SDK1: variants seen among roughly 807,000 people sequenced by gnomAD.
SDK1 encodes the protein protein sidekick-1.
SDK1 carries 157 observed loss-of-function variants against 245.5 expected under a neutral mutation model. The ratio of observed to expected loss-of-function variants is 0.64; its 90% CI spans 0.56 to 0.73. The LOEUF (loss-of-function observed/expected upper bound fraction) is 0.73, where lower values mean the gene tolerates loss of function less well. Among genes scored for constraint, SDK1 ranks in the 30% least tolerant of loss-of-function variants. SDK1 has a pLI of 0.00. For synonymous variants in SDK1, 1,647 were observed against 1,278.5 expected (o/e 1.29, Z -6.15); for missense variants, 3,583 against 3,002.3 (o/e 1.19, Z -4.52).
chr7:3,402,443 G>C (rs1248624230), intron 1 of SDK1, among the ~76,000 whole-genome samples: 2 of 152,162 alleles, frequency 1.3e-5, no homozygotes, highest in Non-Finnish European at 2.9e-5. Context: ...CTATTATAAA[G>C]TTTGAGTATT....
chr7:4,245,725 A>G lies in SDK1; in HGVS notation c.6301A>G (p.Ile2101Val), dbSNP rs770466918. The G allele has an allele frequency of 6.2e-7, 1 of 1,614,086 alleles. No homozygotes were observed. The highest frequency in any genetic ancestry group is 1.7e-5 in the Admixed American group (1 of 60,026). ...CGGCCTGCACTACTCAGACGAGGAC[A>G]TCTGCAACAAGTACAACGGCGCCGT... ...PGGLHYSDEDICNKYNGAVLT... is the reference protein window; with the variant it reads ...PGGLHYSDEDVCNKYNGAVLT... The change falls in exon 44 of 45, where the codon ATC becomes GTC. Residue 2101 changes from isoleucine (I) to valine (V), a missense_variant. Transcript: ENST00000404826.
chr7:3,558,805 A>G (rs956231889), intron 1 of SDK1, among the ~76,000 whole-genome samples: 1 of 152,228 alleles, frequency 6.6e-6, no homozygotes, highest in Non-Finnish European at 1.5e-5. Flanking sequence ...GCTAATGACA[A>G]GGCAGTCTAT....
chr7:3,768,529 A>G (rs1235684744), intron 4 of SDK1, among the ~76,000 whole-genome samples: 4 of 152,258 alleles, frequency 2.6e-5, no homozygotes, highest in African/African-American at 7.2e-5. Flanking sequence ...ACTGTGTCTG[A>G]TAATCTGAAT....
intron 4 of SDK1, among the ~76,000 whole-genome samples, chr7:3,715,545 G>C (rs939672363): frequency 1.3e-5 from 2 of 152,128 alleles, no homozygotes; most frequent in African/African-American, 4.8e-5. Context: ...CAATAGCAGG[G>C]ATAGAGAAGG....
chr7:3,330,347 A>C (rs1015034468), intron 1 of SDK1, among the ~76,000 whole-genome samples: 1 of 152,154 alleles, frequency 6.6e-6, no homozygotes, highest in Admixed American at 6.6e-5. Context: ...TCCTTTTTTA[A>C]AATAATCATC....
At chr7:3,932,705 G>C (rs73674351) in intron 5 of SDK1, among the ~76,000 whole-genome samples, 1 of 152,156 alleles carries the variant, frequency 6.6e-6, no homozygotes, top group African/African-American at 2.4e-5. Flanking sequence ...GTGAATTATC[G>C]TTCTTCACTA....
intron 1 of SDK1, among the ~76,000 whole-genome samples, chr7:3,562,042 C>A (rs1779766283): frequency 6.6e-6 from 1 of 152,166 alleles, no homozygotes; most frequent in Non-Finnish European, 1.5e-5. Context: ...TTTTCAACAA[C>A]CCACAGCTGT....
intron 14 of SDK1, among the ~76,000 whole-genome samples, chr7:4,003,830 G>A (rs1010775409): frequency 6.6e-5 from 10 of 152,234 alleles, no homozygotes; most frequent in African/African-American, 2.2e-4. Context: ...TGTTGTGGTG[G>A]AGGGGAGCCT....
chr7:3,806,279 C>CTAGGATGTGGATGTCCACAT lies in SDK1; in HGVS notation c.714-15085_714-15066dup, dbSNP rs1302479743. ...CTTTCCCATGTGAGGTAACGTATCT[C>CTAGGATGTGGATGTCCACAT]TAGGATGTGGATGTCCACATTAGGA... is the stretch of plus-strand genomic sequence containing the variant. On this transcript the variant is annotated intron_variant, in intron 4 of 44. Coordinates refer to ENST00000404826, the MANE Select transcript of SDK1 (RefSeq NM_152744.4). Among the ~76,000 whole-genome samples, 829 of 139,006 alleles carry CTAGGATGTGGATGTCCACAT rather than the reference C, an allele frequency of 6.0e-3. 7 individuals carry two copies. Among genetic ancestry groups the CTAGGATGTGGATGTCCACAT allele is most frequent in the African/African-American group, 0.01 (398 of 39,084 alleles). 91.2% of individuals were successfully genotyped at this position (139,006 alleles called of 152,430 possible).
intron 20 of SDK1, among the ~76,000 whole-genome samples, chr7:4,068,528 C>G (rs1780042874): frequency 6.6e-6 from 1 of 151,984 alleles, no homozygotes; most frequent in African/African-American, 2.4e-5. Context: ...CATGTTCTGT[C>G]CCCTCCCCAC....
rs143079303 is a variant in SDK1 at position 3,937,481 on chromosome 7, C to T, written c.848-13442C>T. Among the ~76,000 whole-genome samples the T allele has an allele frequency of 3.3e-4, 50 of 152,318 alleles. 1 individual carries two copies. In the East Asian group the frequency reaches 9.6e-3, roughly 29 times the overall value. ...CAGTGTCCTCACCGCTCTTCTTAAA[C>T]ACTGGGCTTAACAGGAGGCTTTTGT... On this transcript the variant is annotated intron_variant, in intron 5 of 44. Coordinates refer to ENST00000404826, the MANE Select transcript of SDK1 (RefSeq NM_152744.4).
At chr7:3,443,254 A>C (rs1017981958) in intron 1 of SDK1, among the ~76,000 whole-genome samples, 1 of 152,334 alleles carries the variant, frequency 6.6e-6, no homozygotes, top group East Asian at 1.9e-4. Context: ...TTATTTAGCT[A>C]CAAGAACTAT....
chr7:3,649,478 C>A (rs1382905274), intron 4 of SDK1, among the ~76,000 whole-genome samples: 1 of 151,812 alleles, frequency 6.6e-6, no homozygotes, highest in African/African-American at 2.4e-5. Flanking sequence ...GGCTAGATGA[C>A]CTGCTCTAGA....
intron 25 of SDK1, among the ~76,000 whole-genome samples, chr7:4,125,498 G>GATGC (rs892473103): frequency 6.6e-6 from 1 of 151,850 alleles, no homozygotes; most frequent in African/African-American, 2.4e-5. Flanking sequence ...TTGATGGATG[G>GATGC]ATGGATGGAT....
At chr7:4,124,625 A>G (rs541770934) in intron 25 of SDK1, among the ~76,000 whole-genome samples, 2 of 152,334 alleles carry the variant, frequency 1.3e-5, no homozygotes, top group South Asian at 4.1e-4. Flanking sequence ...GGATAACAAA[A>G]TAAGGATTCA....
In SDK1 at chr7:3,629,303, A is replaced by AAAAAAAAAG. The variant is rs199516924; in HGVS notation, c.459-9676_459-9668dup. Among the ~76,000 whole-genome samples, 6 of 148,896 alleles carry AAAAAAAAAG rather than the reference A, an allele frequency of 4.0e-5. No individual in the cohort carries two copies. In the East Asian group the frequency reaches 5.9e-4, roughly 15 times the overall value. ...GAGACAGTACAATTCTCAGTCTCAA[A>AAAAAAAAAG]AAAAAAAAGAAAAAAAAGAAAAAAA... On this transcript the variant is annotated intron_variant, in intron 2 of 44. Coordinates refer to ENST00000404826, the MANE Select transcript of SDK1 (RefSeq NM_152744.4).
At chr7:4,081,053 C>T (rs538243694) in intron 22 of SDK1, among the ~76,000 whole-genome samples, 4 of 152,198 alleles carry the variant, frequency 2.6e-5, no homozygotes, top group Non-Finnish European at 5.9e-5. Flanking sequence ...CGCAGAAGCA[C>T]GCGCTGTGGT....
At chr7:3,604,924 G>T (rs1253612087) in intron 1 of SDK1, among the ~76,000 whole-genome samples, 2 of 151,792 alleles carry the variant, frequency 1.3e-5, no homozygotes, top group Non-Finnish European at 2.9e-5. Context: ...TCTCTGACTT[G>T]TTTATTTTTA....
intron 5 of SDK1, among the ~76,000 whole-genome samples, chr7:3,936,446 A>C (rs1454098829): frequency 6.6e-6 from 1 of 152,072 alleles, no homozygotes; most frequent in Non-Finnish European, 1.5e-5. Context: ...TTAGCCAGGC[A>C]TGGTGGCAGG....
Sources: gnomAD v4.1 joint callset for allele counts (sites outside exome capture counted in the v4.1 genomes callset) on GRCh38, gnomAD v4.1.1 for gene constraint, MANE v1.5 for transcripts, NCBI Gene and HGNC (gene_info 2026-07-23, HGNC 2026-07-21) for gene names.